Variants in DNAI7 observed in about 807,000 individuals in gnomAD.
DNAI7 encodes cancer susceptibility 1.
A neutral mutation model predicts 86.6 loss-of-function variants in DNAI7; 78 were observed. That is an observed-to-expected ratio of 0.90 (90% confidence interval 0.75 to 1.09). The LOEUF (loss-of-function observed/expected upper bound fraction) is 1.09. DNAI7 is among the 50% of genes least tolerant of loss of function. The probability of loss-of-function intolerance (pLI) is 0.00; values close to 1 mark genes in which losing one functional copy is unlikely to be tolerated. For synonymous variants in DNAI7, 274 were observed against 273.0 expected, an observed-to-expected ratio of 1.00 and a Z score of -0.04; for missense variants, 753 against 810.2, an observed-to-expected ratio of 0.93 and a Z score of 0.86.
intron 2 of DNAI7, among the ~76,000 whole-genome samples, chr12:25,168,462 G>A (rs1158875247): frequency 6.6e-6 from 1 of 151,990 alleles, no homozygotes; most frequent in Non-Finnish European, 1.5e-5. Context: ...CCTCTGTCAC[G>A]ACCTTCCATA....
intron 2 of DNAI7, among the ~76,000 whole-genome samples, chr12:25,184,966 TAA>T (rs35375688): frequency 1.6e-4 from 17 of 106,458 alleles, no homozygotes; most frequent in Admixed American, 4.0e-4. Flanking sequence ...CCCATCTCTA[TAA>T]AAAAAAAAAA....
rs1949719995 is a variant in DNAI7 at position 25,110,363 on chromosome 12, C to G, written c.1780-123G>C. 6.3e-6 allele frequency: 4 copies of G among 632,714 alleles called. No homozygotes were observed. The Admixed American group carries it at 1.1e-4, about 17-fold the overall frequency. The allele number at this position is 632,714 out of a possible 1,614,324, so 39.2% of individuals were successfully genotyped here. On this transcript the variant is annotated intron_variant, in intron 14 of 15. Coordinates refer to ENST00000395987, the MANE Select transcript of DNAI7 (RefSeq NM_018272.5). Reference sequence around the variant, plus strand: ...CCACTTAAAATTGTAAGTCAGAGTACATGACTCCTCTCTCAACACTGGGCA... The same window carrying G: ...CCACTTAAAATTGTAAGTCAGAGTAGATGACTCCTCTCTCAACACTGGGCA...
At chr12:25,153,193 T>C (rs1438024908) in intron 6 of DNAI7, among the ~76,000 whole-genome samples, 2 of 152,182 alleles carry the variant, frequency 1.3e-5, no homozygotes, top group Non-Finnish European at 2.9e-5. Context: ...AAGCTGAGGC[T>C]GCTGGATCAT....
chr12:25,110,088 G>A (rs756167236), intron 15 of DNAI7, 39 bp downstream of exon 15: 2 of 975,156 alleles, frequency 2.1e-6, no homozygotes, highest in Admixed American at 1.9e-5. Context: ...ATCTTCTTTT[G>A]GAGGACAAAG....
chr12:25,191,755 T>C (rs1265443918), intron 1 of DNAI7, among the ~76,000 whole-genome samples: 2 of 152,134 alleles, frequency 1.3e-5, no homozygotes, highest in Non-Finnish European at 2.9e-5. Context: ...AAATGAAGAT[T>C]CTATTCAGCA....
intron 9 of DNAI7, among the ~76,000 whole-genome samples, chr12:25,138,469 T>C (rs774833011): frequency 6.6e-6 from 1 of 152,022 alleles, no homozygotes; most frequent in Non-Finnish European, 1.5e-5. Flanking sequence ...CTCAAATGAA[T>C]AAATAAATTT....
intron 9 of DNAI7, among the ~76,000 whole-genome samples, chr12:25,135,349 C>A (rs547066906): frequency 2.1e-4 from 32 of 152,260 alleles, no homozygotes; most frequent in Non-Finnish European, 3.8e-4. Context: ...CCATTTCTGA[C>A]TTTTATCTCA....
intron 9 of DNAI7, among the ~76,000 whole-genome samples, chr12:25,128,832 G>C (rs1169859219): frequency 6.6e-6 from 1 of 151,792 alleles, no homozygotes; most frequent in Non-Finnish European, 1.5e-5. Flanking sequence ...TTTTATTCTG[G>C]CCCCTCACAA....
intron 2 of DNAI7, among the ~76,000 whole-genome samples, chr12:25,182,992 A>AGAGAAGGG (rs1949698796): frequency 6.6e-6 from 1 of 151,808 alleles, no homozygotes; most frequent in Non-Finnish European, 1.5e-5. Flanking sequence ...GGAGAGAAGG[A>AGAGAAGGG]GAGAAAGAAA....
At chr12:25,170,334 T>A (rs1428260342) in intron 2 of DNAI7, among the ~76,000 whole-genome samples, 1 of 150,256 alleles carries the variant, frequency 6.7e-6, no homozygotes, top group East Asian at 2.0e-4. Flanking sequence ...GAGGTTGCAG[T>A]GAGCCGAGAT....
chr12:25,159,461 G>C (rs1032460126), intron 3 of DNAI7, among the ~76,000 whole-genome samples: 2 of 150,978 alleles, frequency 1.3e-5, no homozygotes, highest in Non-Finnish European at 3.0e-5. Context: ...AAAGTAACAT[G>C]ATTCAAACTT....
At chr12:25,121,729 G>A (rs766991515) in intron 11 of DNAI7, 24 bp downstream of exon 11, 4 of 1,571,504 alleles carry the variant, frequency 2.5e-6, no homozygotes, top group Non-Finnish European at 3.5e-6. Flanking sequence ...TTACTTATAA[G>A]TTTTGATTCA....
At position 25,159,640 on chromosome 12, in the gene DNAI7, C is replaced by T. The variant is rs576809843; in HGVS notation, c.107-1077G>A. The stretch of plus-strand genomic sequence containing the variant: ...GACTTCCATAATCTTGTGACATCTA[C>T]ATCTCAGATGCAATTACCTTAATCT... On this transcript the variant is annotated intron_variant, in intron 3 of 15. Transcript: ENST00000395987. Among the ~76,000 whole-genome samples, 274 of 152,258 alleles carry T rather than the reference C, an allele frequency of 1.8e-3. 1 individual carries two copies. The highest frequency in any genetic ancestry group is 6.1e-3 in the African/African-American group (255 of 41,566).
intron 12 of DNAI7, among the ~76,000 whole-genome samples, chr12:25,118,164 C>T (rs1940552574): frequency 6.6e-6 from 1 of 152,082 alleles, no homozygotes; most frequent in Non-Finnish European, 1.5e-5. Flanking sequence ...AACTCCTGAC[C>T]TCAGGTGATA....
At chr12:25,164,836 T>G (rs532362617) in intron 2 of DNAI7, among the ~76,000 whole-genome samples, 1 of 152,030 alleles carries the variant, frequency 6.6e-6, no homozygotes, top group East Asian at 1.9e-4. Context: ...AGGTCACAAT[T>G]CTTCCTCAGC....
intron 9 of DNAI7, among the ~76,000 whole-genome samples, chr12:25,139,228 A>C (rs1294642134): frequency 6.6e-6 from 1 of 152,102 alleles, no homozygotes; most frequent in African/African-American, 2.4e-5. Flanking sequence ...AAAAATTACC[A>C]ATAAAAAAAA....
At chr12:25,131,687 C>T (rs1038163730) in intron 9 of DNAI7, among the ~76,000 whole-genome samples, 3 of 152,152 alleles carry the variant, frequency 2.0e-5, no homozygotes, top group African/African-American at 7.2e-5. Flanking sequence ...TCTCAAAAGA[C>T]AGGATAACTT....
intron 8 of DNAI7, among the ~76,000 whole-genome samples, chr12:25,146,566 C>A (rs1221263092): frequency 6.7e-6 from 1 of 149,106 alleles, no homozygotes; most frequent in Non-Finnish European, 1.5e-5. Context: ...CACCACTGCA[C>A]TCCAGCCTGG....
intron 9 of DNAI7, among the ~76,000 whole-genome samples, chr12:25,139,858 C>T (rs1943981152): frequency 6.6e-6 from 1 of 152,094 alleles, no homozygotes; most frequent in African/African-American, 2.4e-5. Flanking sequence ...ATAATAAATA[C>T]ATTTTTTAAA....
Sources: gnomAD v4.1 joint callset for allele counts (sites outside exome capture counted in the v4.1 genomes callset) on GRCh38, gnomAD v4.1.1 for gene constraint, MANE v1.5 for transcripts, NCBI Gene and HGNC (gene_info 2026-07-23, HGNC 2026-07-21) for gene names.